Variants in TIMELESS observed in about 807,000 individuals in gnomAD.
The protein encoded by TIMELESS is timeless circadian regulator.
Under a neutral mutation model 164.3 loss-of-function variants are expected in TIMELESS, and 124 were observed. That is an observed-to-expected ratio of 0.75 (90% CI 0.65 to 0.88). The LOEUF is 0.88. Ranked by LOEUF, TIMELESS falls within the 40% of genes least tolerant of loss-of-function variation. The pLI is 0.00. For synonymous variants in TIMELESS, 564 were observed against 563.4 expected (o/e 1.00, Z -0.02); for missense variants, 1,422 against 1,491.4 (o/e 0.95, Z 0.77).
At chr12:56,422,272 G>A (rs1289337069) in intron 19 of TIMELESS, 81 bp from the exon 20 acceptor site, 1 of 1,295,848 alleles carries the variant, frequency 7.7e-7, no homozygotes, top group Non-Finnish European at 1.1e-6. Flanking sequence ...GATCAGTTCT[G>A]AAAAGAACAG....
intron 7 of TIMELESS, 70 bp from the exon 8 acceptor site, chr12:56,431,674 G>T (rs1881889369): frequency 2.8e-5 from 43 of 1,548,122 alleles, no homozygotes; most frequent in Non-Finnish European, 3.7e-5. Context: ...GCCTACTGGG[G>T]ATGCAAAGAG....
chr12:56,445,422 CAAAAAAAAAAAAAAAAAAAA>C (rs71081360), intron 1 of TIMELESS, among the ~76,000 whole-genome samples: 1 of 18,718 alleles, frequency 5.3e-5, no homozygotes, highest in Non-Finnish European at 1.2e-4. Flanking sequence ...AACTCCACGT[CAAAAAAAAAAAAAAAAAAAA>C]AAAAAAAAAA....
At chr12:56,446,511 C>A (rs181156610) in intron 1 of TIMELESS, among the ~76,000 whole-genome samples, 2 of 151,972 alleles carry the variant, frequency 1.3e-5, no homozygotes, top group African/African-American at 4.8e-5. Context: ...GAATGGCCTC[C>A]CATCCAAATA....
At chr12:56,429,140 C>T in intron 10 of TIMELESS, 40 bp from the exon 11 acceptor site, 1 of 1,540,024 alleles carries the variant, frequency 6.5e-7, no homozygotes, top group Non-Finnish European at 8.8e-7. Context: ...ACCATGACTC[C>T]AGGGCTTCCA....
intron 19 of TIMELESS, 26 bp from the exon 20 acceptor site, chr12:56,422,217 C>A (rs750760774): frequency 6.2e-7 from 1 of 1,609,382 alleles, no homozygotes; most frequent in South Asian, 1.1e-5. Context: ...AGAAAGGGAG[C>A]ATATAGGTTC....
chr12:56,448,544 G>A (rs1042236686), intron 1 of TIMELESS, among the ~76,000 whole-genome samples: 2 of 151,274 alleles, frequency 1.3e-5, no homozygotes, highest in African/African-American at 2.4e-5. Flanking sequence ...GACCAATAAG[G>A]TGAAACCCCC....
chr12:56,441,098 A>G (rs989626827), intron 1 of TIMELESS, among the ~76,000 whole-genome samples: 3 of 152,184 alleles, frequency 2.0e-5, no homozygotes, highest in Admixed American at 6.6e-5. Context: ...GATTACGGGC[A>G]TGAGCCACTG....
intron 1 of TIMELESS, among the ~76,000 whole-genome samples, chr12:56,444,660 C>A (rs1290632946): frequency 1.3e-5 from 2 of 152,058 alleles, no homozygotes; most frequent in Non-Finnish European, 2.9e-5. Flanking sequence ...TATCCTCCGA[C>A]CGCAGCCTCC....
At chr12:56,418,473 C>A in intron 26 of TIMELESS, 114 bp from the exon 27 acceptor site, 1 of 730,892 alleles carries the variant, frequency 1.4e-6, no homozygotes, top group South Asian at 1.9e-5. Flanking sequence ...GGGTTGTGAA[C>A]TCTATTTATT....
Position 56,430,246 on chromosome 12 carries a change from C to T in TIMELESS, c.945G>A (p.Pro315=), listed in dbSNP as rs755248274. Residue 315 remains proline, a synonymous_variant, in exon 10 of 29, where the codon CCG becomes CCA. Coordinates refer to ENST00000553532, the MANE Select transcript of TIMELESS (RefSeq NM_003920.5). ...CCTGGCGACGTTTAGGCACCTTTTT[C>T]GGCTGCTTTCCCAAATCTGAACTGT... ...RNYSSDLGKQ[P]KKVPKRRQAA... 8.7e-6 allele frequency: 14 copies of T among 1,613,608 alleles called. No homozygotes were observed. Among genetic ancestry groups the T allele is most frequent in the South Asian group, 5.5e-5 (5 of 91,034 alleles).
At chr12:56,442,859 G>A (rs59861765) in intron 1 of TIMELESS, among the ~76,000 whole-genome samples, 11,164 of 152,086 alleles carry the variant, frequency 0.073, 1,326 homozygotes, top group African/African-American at 0.25. Flanking sequence ...AATTTATTAC[G>A]CCTGTCTTTA....
In TIMELESS at chr12:56,424,842, C is replaced by CCGCT; in HGVS notation, c.1784_1787dup (p.Glu598GlyfsTer32). The CCGCT allele has an allele frequency of 6.2e-7, 1 of 1,614,206 alleles. No individual in the cohort carries two copies. The highest frequency in any genetic ancestry group is 8.5e-7 in the Non-Finnish European group (1 of 1,180,046). ...CTTGGATCCGTACCATAGCTTCTGC[C>CCGCT]CGCTGCTCCTCCACTGGCACCTCTG... On this transcript the variant is annotated frameshift_variant, in exon 15 of 29. Coordinates refer to ENST00000553532, the MANE Select transcript of TIMELESS (RefSeq NM_003920.5). LOFTEE classifies it high-confidence loss of function.
At chr12:56,443,114 A>G (rs1249313969) in intron 1 of TIMELESS, among the ~76,000 whole-genome samples, 1 of 152,232 alleles carries the variant, frequency 6.6e-6, no homozygotes, top group African/African-American at 2.4e-5. Flanking sequence ...AGCGATTTTC[A>G]GGGAACAAGG....
chr12:56,422,350 C>G, intron 19 of TIMELESS, 159 bp from the exon 20 acceptor site: 2 of 614,768 alleles, frequency 3.3e-6, no homozygotes, highest in Non-Finnish European at 5.7e-6. Context: ...CTTCCCCTCA[C>G]TTTCCTTCCA....
chr12:56,430,104 C>A lies in TIMELESS; in HGVS notation c.1086+1G>T. ...TCTCCATATCCTTCACAGGTTCTCA[C>A]CTTTACTGATCCCATGAGCCGGTTG... On this transcript the variant is annotated splice_donor_variant, in intron 10 of 28. Coordinates refer to ENST00000553532, the MANE Select transcript of TIMELESS (RefSeq NM_003920.5). LOFTEE classifies it high-confidence loss of function. 6.2e-7 allele frequency: 1 copy of A among 1,610,076 alleles called. No individual in the cohort carries two copies. The highest frequency in any genetic ancestry group is 8.5e-7 in the Non-Finnish European group (1 of 1,178,690).
rs1472165106 is a variant in TIMELESS, at chr12:56,434,023, C to T, written c.97+51G>A. 8 of 1,610,670 alleles carry T rather than the reference C, an allele frequency of 5.0e-6. No homozygotes were observed. In the African/African-American group the frequency reaches 8.0e-5, roughly 16 times the overall value. On this transcript the variant is annotated intron_variant, in intron 2 of 28. Coordinates refer to ENST00000553532, the MANE Select transcript of TIMELESS (RefSeq NM_003920.5). ...CCCATGGTTTGAGGAATTCAACAGA[C>T]CTCCTTAATTCAAGCCAATTTTTTT... is the stretch of plus-strand genomic sequence containing the variant.
rs1487971583 is a variant in TIMELESS at position 56,432,535 on chromosome 12, A to C, written c.532-11T>G. ...GTCATCATCAATCTTCTGAGCAGTG[A>C]GTGGTGAGGGTAGAAAGGAAGCTCA... On this transcript the variant is annotated splice_polypyrimidine_tract_variant and intron_variant, in intron 6 of 28. Transcript: ENST00000553532. 3.1e-6 allele frequency: 5 copies of C among 1,611,970 alleles called. No homozygotes were observed. Among genetic ancestry groups the C allele is most frequent in the Non-Finnish European group, 4.2e-6 (5 of 1,178,740 alleles).
Position 56,431,623 on chromosome 12 carries a change from G to A in TIMELESS, c.688-19C>T, listed in dbSNP as rs375376396. 390 of 1,602,312 alleles carry A rather than the reference G, an allele frequency of 2.4e-4. No individual in the cohort carries two copies. The African/African-American group carries it at 4.7e-3, about 19-fold the overall frequency. ...CGGGGTTCTAGATTGGAACAAAGAG[G>A]GAAGAATCAGGAGGACAGTCATTCC... is the stretch of plus-strand genomic sequence containing the variant. On this transcript the variant is annotated intron_variant, in intron 7 of 28. Transcript: ENST00000553532.
At chr12:56,423,739 G>A in intron 16 of TIMELESS, 32 bp from the exon 17 acceptor site, 1 of 1,614,136 alleles carries the variant, frequency 6.2e-7, no homozygotes, top group Non-Finnish European at 8.5e-7. Context: ...CTGAGTCTCT[G>A]TTATGTTGGT....
Sources: allele counts gnomAD v4.1 joint callset (sites outside exome capture counted in the v4.1 genomes callset), GRCh38; gene constraint gnomAD v4.1.1; transcripts MANE v1.5; gene names NCBI Gene and HGNC (gene_info 2026-07-23, HGNC 2026-07-21).